Variants in RBFOX1 observed in about 807,000 individuals in gnomAD.
The protein encoded by RBFOX1 is RNA binding fox-1 homolog 1.
RBFOX1 carries 8 observed loss-of-function variants against 57.7 expected under a neutral mutation model. The ratio of observed to expected loss-of-function variants is 0.14; its 90% CI spans 0.08 to 0.25. The LOEUF is 0.25. Ranked by LOEUF, RBFOX1 falls within the 10% of genes least tolerant of loss-of-function variation. The probability of loss-of-function intolerance (pLI) is 1.00; values close to 1 mark genes in which losing one functional copy is unlikely to be tolerated. For missense variants in RBFOX1, 611 were observed against 548.5 expected (o/e 1.11, Z -1.14); for synonymous variants, 326 against 222.4 (o/e 1.47, Z -4.15).
intron 3 of RBFOX1, among the ~76,000 whole-genome samples, chr16:5,640,469 T>G (rs1402055454): frequency 6.7e-6 from 1 of 149,858 alleles, no homozygotes; most frequent in East Asian, 2.0e-4. Context: ...CACACACACA[T>G]GTACACCATG....
At chr16:5,863,088 G>A (rs941244020) in intron 3 of RBFOX1, among the ~76,000 whole-genome samples, 1 of 152,178 alleles carries the variant, frequency 6.6e-6, no homozygotes, top group African/African-American at 2.4e-5. Context: ...GCCCCTGAAA[G>A]TCCCTGGTGT....
intron 1 of RBFOX1, among the ~76,000 whole-genome samples, chr16:6,111,013 A>G (rs1178035300): frequency 1.3e-5 from 2 of 152,166 alleles, no homozygotes; most frequent in African/African-American, 2.4e-5. Context: ...ATGAGGGTTC[A>G]GTGGAAGGAA....
chr16:7,541,864 A>C (rs1048815007), intron 5 of RBFOX1, among the ~76,000 whole-genome samples: 21 of 152,202 alleles, frequency 1.4e-4, no homozygotes, highest in African/African-American at 4.8e-4. Context: ...GGGGTGCTTA[A>C]GAAATCTCCC....
Position 7,043,311 on chromosome 16 carries a change from A to G in RBFOX1, c.-15-8746A>G, listed in dbSNP as rs1291902968. The stretch of plus-strand genomic sequence containing the variant: ...GACCCTGTATCATCATCATTATTTT[A>G]TTCATCACTCCTCCCCTGTCTTTTT... On this transcript the variant is annotated intron_variant, in intron 3 of 15. Transcript: ENST00000550418. Among the ~76,000 whole-genome samples the G allele has an allele frequency of 3.3e-5, 5 of 152,062 alleles. 1 individual carries two copies. The highest frequency in any genetic ancestry group is 6.8e-3 in the Middle Eastern group (2 of 294).
At chr16:6,014,631 T>C (rs2094982261), upstream of RBFOX1, among the ~76,000 whole-genome samples, 1 of 152,164 alleles carries the variant, frequency 6.6e-6, no homozygotes, top group African/African-American at 2.4e-5. Context: ...ACTGACTGTT[T>C]TAATTAGTTC....
intron 3 of RBFOX1, among the ~76,000 whole-genome samples, chr16:6,685,324 G>A (rs150211921): frequency 0.032 from 4,402 of 136,318 alleles, 239 homozygotes; most frequent in African/African-American, 0.11. Context: ...TGCCCAGGCC[G>A]GAGTGCAGTG....
intron 3 of RBFOX1, among the ~76,000 whole-genome samples, chr16:6,819,705 C>CAAAAAAAAAAAAAAA (rs1181614275): frequency 9.7e-5 from 2 of 20,626 alleles, no homozygotes; most frequent in Non-Finnish European, 8.1e-5. Flanking sequence ...AACTCTGACT[C>CAAAAAAAAAAAAAAA]AAAAAAAAAA....
chr16:7,148,216 G>T (rs1341454890), intron 4 of RBFOX1, among the ~76,000 whole-genome samples: 1 of 152,130 alleles, frequency 6.6e-6, no homozygotes, highest in Non-Finnish European at 1.5e-5. Context: ...CAACAATTAA[G>T]ATGAAAACAA....
At chr16:5,933,113 T>C (rs574031810) in intron 4 of RBFOX1, among the ~76,000 whole-genome samples, 1 of 152,316 alleles carries the variant, frequency 6.6e-6, no homozygotes, top group South Asian at 2.1e-4. Flanking sequence ...TACTTCTTCT[T>C]CAAATGGAAA....
intron 4 of RBFOX1, among the ~76,000 whole-genome samples, chr16:5,867,521 C>A (rs1306498747): frequency 6.6e-6 from 1 of 152,030 alleles, no homozygotes; most frequent in Non-Finnish European, 1.5e-5. Context: ...CACCGCACTG[C>A]TCTTCATGGA....
intron 4 of RBFOX1, among the ~76,000 whole-genome samples, chr16:5,959,974 G>A (rs540974353): frequency 6.6e-6 from 1 of 152,304 alleles, no homozygotes; most frequent in East Asian, 1.9e-4. Context: ...GCAGAGGCGG[G>A]GGGATCACCT....
intron 1 of RBFOX1, among the ~76,000 whole-genome samples, chr16:6,099,282 G>A (rs1271561551): frequency 1.3e-5 from 2 of 152,156 alleles, no homozygotes; most frequent in African/African-American, 2.4e-5. Context: ...TTAGCTTGTG[G>A]TTCATTGGTG....
At chr16:6,652,926 G>T (rs1445835203) in intron 2 of RBFOX1, among the ~76,000 whole-genome samples, 1 of 152,142 alleles carries the variant, frequency 6.6e-6, no homozygotes. Context: ...ATCACAATAA[G>T]GTAATAAAAC....
intron 4 of RBFOX1, among the ~76,000 whole-genome samples, chr16:7,222,229 T>C (rs932137441): frequency 2.0e-5 from 3 of 152,190 alleles, no homozygotes; most frequent in African/African-American, 7.2e-5. Flanking sequence ...CCTTGCATTC[T>C]TCTTTGCTCT....
intron 3 of RBFOX1, among the ~76,000 whole-genome samples, chr16:5,845,566 G>A (rs2056735656): frequency 6.6e-6 from 1 of 152,168 alleles, no homozygotes; most frequent in Non-Finnish European, 1.5e-5. Context: ...GATGACCCGG[G>A]GCAGGTGGCC....
At chr16:5,363,122 C>G (rs927816864) in intron 1 of RBFOX1, among the ~76,000 whole-genome samples, 2 of 149,058 alleles carry the variant, frequency 1.3e-5, no homozygotes, top group Admixed American at 6.7e-5. Context: ...CAACCTCCAC[C>G]TCCTGGGTTC....
At chr16:5,405,222 G>T (rs56255108) in intron 1 of RBFOX1, among the ~76,000 whole-genome samples, 37,320 of 151,996 alleles carry the variant, frequency 0.25, 4,751 homozygotes, top group African/African-American at 0.28. Context: ...TTGGTGACAT[G>T]GTTTGGCTGT....
At chr16:7,186,704 G>A (rs960867659) in intron 4 of RBFOX1, among the ~76,000 whole-genome samples, 2 of 148,532 alleles carry the variant, frequency 1.3e-5, no homozygotes, top group African/African-American at 4.9e-5. Flanking sequence ...TAAGTTTCAT[G>A]GTATCTAGGA....
chr16:5,402,886 C>G (rs1159983380), intron 1 of RBFOX1, among the ~76,000 whole-genome samples: 1 of 152,112 alleles, frequency 6.6e-6, no homozygotes, highest in African/African-American at 2.4e-5. Context: ...TACTAGTAAA[C>G]AAGAGAGATA....
Sources: gnomAD v4.1 joint callset for allele counts (sites outside exome capture counted in the v4.1 genomes callset) on GRCh38, gnomAD v4.1.1 for gene constraint, MANE v1.5 for transcripts, NCBI Gene and HGNC (gene_info 2026-07-23, HGNC 2026-07-21) for gene names.